RPAP1: variants seen among roughly 807,000 people sequenced by gnomAD.
The protein encoded by RPAP1 is RNA polymerase II-associated protein 1.
In RPAP1, 109 loss-of-function variants were observed where a neutral mutation model predicts 142.4. That is an observed-to-expected ratio of 0.77 (90% CI 0.66 to 0.90). RPAP1 has a LOEUF of 0.90. Ranked by LOEUF, RPAP1 falls within the 40% of genes least tolerant of loss-of-function variation. The pLI is 0.00. For missense variants in RPAP1, 1,546 were observed against 1,751.7 expected, an observed-to-expected ratio of 0.88 and a Z score of 2.10; for synonymous variants, 704 against 738.9, an observed-to-expected ratio of 0.95 and a Z score of 0.77.
At chr15:41,527,748 C>T in intron 11 of RPAP1, 112 bp downstream of exon 11, 1 of 1,483,866 alleles carries the variant, frequency 6.7e-7, no homozygotes, top group Non-Finnish European at 9.1e-7. Flanking sequence ...AGACGCCTGC[C>T]ATCCCATTCT....
intron 7 of RPAP1, among the ~76,000 whole-genome samples, chr15:41,530,726 G>A (rs1018449211): frequency 6.6e-6 from 1 of 152,182 alleles, no homozygotes; most frequent in African/African-American, 2.4e-5. Flanking sequence ...GGCAGCTACA[G>A]CAAGGACAGG....
Position 41,523,232 on chromosome 15 carries a change from A to G in RPAP1, c.2546+13T>C. On this transcript the variant is annotated intron_variant, in intron 18 of 24. Transcript: ENST00000304330. ...CTCCCCTGCTTCCCCCAGCTACCAA[A>G]CACAGTACATACCTAAGGGAATCCC... 6.5e-7 allele frequency: 1 copy of G among 1,528,854 alleles called. No homozygotes were observed. Among genetic ancestry groups the G allele is most frequent in the Non-Finnish European group, 8.9e-7 (1 of 1,128,550 alleles). 94.7% of individuals were successfully genotyped at this position (1,528,854 alleles called of 1,614,324 possible). A position where few individuals can be genotyped will look rare whatever the true frequency, so the allele number is the denominator to read the frequency against.
chr15:41,538,068 C>A (rs2051931049), intron 1 of RPAP1, among the ~76,000 whole-genome samples: 1 of 151,924 alleles, frequency 6.6e-6, no homozygotes, highest in African/African-American at 2.4e-5. Flanking sequence ...ACGGTGAAAC[C>A]CCGTCTCTAC....
chr15:41,528,422 A>G, intron 9 of RPAP1, 86 bp from the exon 10 acceptor site: 1 of 932,474 alleles, frequency 1.1e-6, no homozygotes, highest in Non-Finnish European at 1.7e-6. Context: ...GGAAAGACAA[A>G]GATAAATAAG....
Position 41,535,639 on chromosome 15 carries a change from G to A in RPAP1, c.421-7C>T. 3 of 1,606,222 alleles carry A rather than the reference G, an allele frequency of 1.9e-6. No homozygotes were observed. Among genetic ancestry groups the A allele is most frequent in the Non-Finnish European group, 2.5e-6 (3 of 1,177,644 alleles). On this transcript the variant is annotated splice_polypyrimidine_tract_variant and splice_region_variant and intron_variant, in intron 4 of 24. Coordinates refer to ENST00000304330, the MANE Select transcript of RPAP1 (RefSeq NM_015540.4). ...CAGATGTTGCTGATTTCCCCTGTGGGGCAAAAAGAAAACCCAGGTTACTGA... is the reference window on the plus strand; with the variant it reads ...CAGATGTTGCTGATTTCCCCTGTGGAGCAAAAAGAAAACCCAGGTTACTGA...
At chr15:41,537,317 T>C in intron 1 of RPAP1, 116 bp from the exon 2 acceptor site, 2 of 592,812 alleles carry the variant, frequency 3.4e-6, no homozygotes, top group Non-Finnish European at 5.9e-6. Flanking sequence ...TCCTCATTCA[T>C]ACCTTACTGC....
At position 41,517,282 on chromosome 15, in the gene RPAP1, G is replaced by A. The variant is rs2051673866; in HGVS notation, c.*260C>T. The A allele has an allele frequency of 1.4e-5, 5 of 353,088 alleles. No individual in the cohort carries two copies. The highest frequency in any genetic ancestry group is 2.5e-5 in the Non-Finnish European group (5 of 197,176). The allele number at this position is 353,088 out of a possible 1,614,324, so 21.9% of individuals were successfully genotyped here. A position where few individuals can be genotyped will look rare whatever the true frequency, so the allele number is the denominator to read the frequency against. On this transcript the variant is annotated 3_prime_UTR_variant, in exon 25 of 25. Coordinates refer to ENST00000304330, the MANE Select transcript of RPAP1 (RefSeq NM_015540.4). ...AGGTAAGAAGGGATGCATTTAGTTT[G>A]CCCTGTCCCCAAAGAGCGGGTAAAT...
intron 6 of RPAP1, among the ~76,000 whole-genome samples, chr15:41,531,579 T>G (rs1479546855): frequency 3.4e-5 from 5 of 147,280 alleles, no homozygotes; most frequent in Admixed American, 6.8e-5. Flanking sequence ...TTCTCTTAGC[T>G]AATTTATTTA....
rs950976552 is a variant in RPAP1 at position 41,537,140 on chromosome 15, T to G, written c.-15A>C. On this transcript the variant is annotated 5_prime_UTR_variant, in exon 2 of 25. Transcript: ENST00000304330. ...CTCGACAGCATCTTGCTGCTCCAGC[T>G]GCCTCCCCAGTACGACTCTCTCCAG... 6.2e-7 allele frequency: 1 copy of G among 1,611,722 alleles called. No individual in the cohort carries two copies. The highest frequency in any genetic ancestry group is 8.5e-7 in the Non-Finnish European group (1 of 1,178,946).
rs2051832023 is a variant in RPAP1, at chr15:41,529,954, C to A, written c.969G>T (p.Gln323His). ...APALALPVTP[Q>H]KEWLHMDTVE... is the part of the protein sequence containing the mutation. ...CAGTGTCCATGTGCAGCCATTCTTT[C>A]TGAGGGGTCACGGGCAATGCCAGAG... is the stretch of plus-strand genomic sequence containing the variant. The change falls in exon 8 of 25, where the codon CAG becomes CAT. Residue 323 changes from glutamine to histidine, a missense_variant. Gln to His is a conservative substitution (Grantham distance 24). This residue lies in a region of RPAP1 where 1,333 missense variants were observed against 1,486.6 expected (regional missense o/e 0.90). Coordinates refer to ENST00000304330, the MANE Select transcript of RPAP1 (RefSeq NM_015540.4). 1.2e-6 allele frequency: 2 copies of A among 1,614,074 alleles called. No individual in the cohort carries two copies. The highest frequency in any genetic ancestry group is 2.7e-5 in the African/African-American group (2 of 74,934).
At chr15:41,526,770 C>T (rs1347507631) in intron 14 of RPAP1, 128 bp downstream of exon 14, 1 of 975,284 alleles carries the variant, frequency 1.0e-6, no homozygotes, top group Non-Finnish European at 1.5e-6. Flanking sequence ...TGTTGCATTT[C>T]TAAGCAACTG....
At chr15:41,523,012 G>C (rs1372823450) in intron 18 of RPAP1, 52 bp from the exon 19 acceptor site, 1 of 1,426,964 alleles carries the variant, frequency 7.0e-7, no homozygotes, top group East Asian at 2.5e-5. Flanking sequence ...CGTGTGCCAA[G>C]CTGGAAAGAG....
At chr15:41,536,891 G>T in intron 2 of RPAP1, 54 bp downstream of exon 2, 1 of 1,575,854 alleles carries the variant, frequency 6.3e-7, no homozygotes, top group Non-Finnish European at 8.7e-7. Context: ...GAAGAGGGAG[G>T]GGCCCGAGGC....
Position 41,521,131 on chromosome 15 carries a change from C to A in RPAP1, c.3055G>T (p.Gly1019Cys), listed in dbSNP as rs1226346849. Residue 1019 changes from glycine to cysteine, a missense_variant, in exon 22 of 25, where the codon GGT (glycine) becomes TGT (cysteine). Gly to Cys is a radical substitution (Grantham distance 159). Transcript: ENST00000304330. ...TCAGAGAAGTCGGCTGCCTCTGGAC[C>A]CCCTGATGTTCTTTCCCTGTAATGG... is the stretch of plus-strand genomic sequence containing the variant. ...LEFLPERTSGGPEAADFSDQL... is the reference protein window; with the variant it reads ...LEFLPERTSGCPEAADFSDQL... The A allele has an allele frequency of 6.6e-7, 1 of 1,512,164 alleles. No individual in the cohort carries two copies. The highest frequency in any genetic ancestry group is 8.8e-7 in the Non-Finnish European group (1 of 1,131,204). 93.7% of individuals were successfully genotyped at this position (1,512,164 alleles called of 1,614,324 possible). A position where few individuals can be genotyped will look rare whatever the true frequency, so the allele number is the denominator to read the frequency against.
Position 41,527,160 on chromosome 15 carries a change from T to C in RPAP1, c.1746+7A>G, listed in dbSNP as rs1476607775. 1.2e-6 allele frequency: 2 copies of C among 1,614,174 alleles called. No homozygotes were observed. The highest frequency in any genetic ancestry group is 4.5e-5 in the East Asian group (2 of 44,882). ...TTTTGCCCATTCCCTGCTCCCTTTT[T>C]TCTCACCCTTGTGGCTGATTCCAGG... On this transcript the variant is annotated splice_region_variant and intron_variant, in intron 13 of 24. Coordinates refer to ENST00000304330, the MANE Select transcript of RPAP1 (RefSeq NM_015540.4).
At position 41,517,786 on chromosome 15, in the gene RPAP1, C is replaced by T; in HGVS notation, c.4032+12G>A. ...CTCTAATATCCCACCCTCCTAATGG[C>T]CCTGACCCTACCTCATCTGCCAGCA... On this transcript the variant is annotated intron_variant, in intron 24 of 24. Transcript: ENST00000304330. 3.7e-6 allele frequency: 6 copies of T among 1,614,180 alleles called. No individual in the cohort carries two copies. Among genetic ancestry groups the T allele is most frequent in the Non-Finnish European group, 4.2e-6 (5 of 1,180,034 alleles).
chr15:41,536,099 T>G (rs1419913553), intron 4 of RPAP1, 30 bp downstream of exon 4: 1 of 1,572,888 alleles, frequency 6.4e-7, no homozygotes, highest in Non-Finnish European at 8.7e-7. Context: ...GTCTGTCTCC[T>G]GAGCACCACC....
rs1488436661 is a variant in RPAP1 at position 41,522,195 on chromosome 15, G to A, written c.2798C>T (p.Ala933Val). The A allele has an allele frequency of 6.2e-7, 1 of 1,614,096 alleles. No homozygotes were observed. The highest frequency in any genetic ancestry group is 1.7e-5 in the Admixed American group (1 of 60,026). The change falls in exon 20 of 25, where the codon GCT becomes GTT. Residue 933 changes from alanine (A) to valine (V), a missense_variant. Physicochemically the swap from Ala to Val is moderately conservative, Grantham distance 64. Transcript: ENST00000304330. ...GLQNYFLQCV[A>V]PGAAPHLTPF... ...TGTGAGGTGTGGGGCAGCCCCAGGAGCCACACACTGGAGGAAGTAATTCTG... is the reference window on the plus strand; with the variant it reads ...TGTGAGGTGTGGGGCAGCCCCAGGAACCACACACTGGAGGAAGTAATTCTG...
In RPAP1 at chr15:41,522,769, C is replaced by A. The variant is rs752179255; in HGVS notation, c.2738G>T (p.Gly913Val). 6.5e-7 allele frequency: 1 copy of A among 1,531,912 alleles called. No homozygotes were observed. Among genetic ancestry groups the A allele is most frequent in the Non-Finnish European group, 8.7e-7 (1 of 1,149,694 alleles). The allele number at this position is 1,531,912 out of a possible 1,614,324, so 94.9% of individuals were successfully genotyped here. A position where few individuals can be genotyped will look rare whatever the true frequency, so the allele number is the denominator to read the frequency against. Residue 913 changes from glycine to valine, a missense_variant, in exon 19 of 25, where the codon GGC becomes GTC. Physicochemically the swap from Gly to Val is moderately radical, Grantham distance 109. Around this residue, in one of 3 missense-constraint regions of RPAP1, gnomAD observed 1,333 missense variants for 1,486.6 expected, o/e 0.90. Transcript: ENST00000304330. ...TLAQIHKGLCGQLAAILAAPG... is the reference protein window; with the variant it reads ...TLAQIHKGLCVQLAAILAAPG... ...AATCAGGCACCCCACACTTACCTGG[C>A]CACACAGCCCCTTGTGGATCTGGGC...
Sources: allele counts gnomAD v4.1 joint callset (sites outside exome capture counted in the v4.1 genomes callset), GRCh38; gene constraint gnomAD v4.1.1; regional missense constraint gnomAD v4.1.1; transcripts MANE v1.5; gene names NCBI Gene and HGNC (gene_info 2026-07-23, HGNC 2026-07-21).